C12orf54: variants seen among roughly 807,000 people sequenced by gnomAD.
C12orf54 encodes chromosome 12 open reading frame 54.
In C12orf54, 24 loss-of-function variants were observed where a neutral mutation model predicts 26.4. The observed-to-expected ratio is 0.91, with a 90% CI of 0.66 to 1.28. The LOEUF (loss-of-function observed/expected upper bound fraction) is 1.28, where lower values mean the gene tolerates loss of function less well. C12orf54 is among the 50% of genes most tolerant of loss of function. The probability of loss-of-function intolerance (pLI) is 0.00; values close to 1 mark genes in which losing one functional copy is unlikely to be tolerated. For synonymous variants in C12orf54, 54 were observed against 47.0 expected, an observed-to-expected ratio of 1.15 and a Z score of -0.61; for missense variants, 154 against 150.9, an observed-to-expected ratio of 1.02 and a Z score of -0.11.
chr12:48,455,824 CTGTT>C, the C12orf54 span, among the ~76,000 whole-genome samples: 9 of 152,262 alleles, frequency 5.9e-5, no homozygotes, highest in African/African-American at 1.7e-4. Flanking sequence ...CCTTCATTGT[CTGTT>C]TGACAGTGAA....
the C12orf54 span, among the ~76,000 whole-genome samples, chr12:48,447,703 G>T: frequency 1.1e-3 from 161 of 152,196 alleles, no homozygotes; most frequent in African/African-American, 3.8e-3. Flanking sequence ...AGATGTCCAT[G>T]CCCTAATCTC....
At chr12:48,429,196 C>T in the C12orf54 span, among the ~76,000 whole-genome samples, 1 of 152,048 alleles carries the variant, frequency 6.6e-6, no homozygotes, top group Non-Finnish European at 1.5e-5. Context: ...CTATGAAAAA[C>T]CCACAGCCAA....
chr12:48,472,726 A>C, the C12orf54 span: 2 of 1,614,106 alleles, frequency 1.2e-6, no homozygotes, highest in South Asian at 2.2e-5. Flanking sequence ...GATGTGAAAG[A>C]ACTTTTCCTG....
At chr12:48,493,093 T>C (rs1430896939) in intron 7 of C12orf54, 98 bp downstream of exon 7, 2 of 1,131,200 alleles carry the variant, frequency 1.8e-6, no homozygotes, top group Non-Finnish European at 2.7e-6. Context: ...CCTTGAGCCT[T>C]CAGAAGCCTG....
intron 6 of C12orf54, among the ~76,000 whole-genome samples, chr12:48,491,658 T>C (rs974571033): frequency 1.3e-5 from 2 of 152,138 alleles, no homozygotes; most frequent in African/African-American, 2.4e-5. Flanking sequence ...GGAATGATTA[T>C]TCTGGGTGGT....
chr12:48,493,433 C>T (rs570758086), intron 7 of C12orf54, among the ~76,000 whole-genome samples: 43 of 151,934 alleles, frequency 2.8e-4, no homozygotes, highest in African/African-American at 8.4e-4. Flanking sequence ...CCCAGGAGTT[C>T]GACACAGTGA....
the C12orf54 span, among the ~76,000 whole-genome samples, chr12:48,455,316 A>G: frequency 1.3e-5 from 2 of 152,214 alleles, no homozygotes; most frequent in African/African-American, 4.8e-5. Flanking sequence ...TATGGTGTAT[A>G]TATACCACAT....
upstream of C12orf54, among the ~76,000 whole-genome samples, chr12:48,478,914 G>C (rs555369942): frequency 6.6e-6 from 1 of 152,302 alleles, no homozygotes; most frequent in African/African-American, 2.4e-5. Flanking sequence ...TTACACTGTT[G>C]GTGGGACTGT....
At chr12:48,455,668 G>A in the C12orf54 span, among the ~76,000 whole-genome samples, 2 of 152,220 alleles carry the variant, frequency 1.3e-5, no homozygotes, top group Non-Finnish European at 1.5e-5. Flanking sequence ...AGATCAGTGA[G>A]CAGCTCCAAC....
intron 7 of C12orf54, 78 bp from the exon 8 acceptor site, chr12:48,494,720 G>A (rs1937872010): frequency 5.5e-6 from 8 of 1,450,006 alleles, no homozygotes; most frequent in Admixed American, 1.8e-5. Flanking sequence ...ATCTCTAAGG[G>A]CAGTGGAGGC....
the C12orf54 span, among the ~76,000 whole-genome samples, chr12:48,430,458 AAAAC>A: frequency 6.5e-4 from 99 of 152,284 alleles, no homozygotes; most frequent in African/African-American, 2.3e-3. Context: ...CAGCAAGAAA[AAAAC>A]AAACAATCCC....
At chr12:48,440,223 T>TC in the C12orf54 span, among the ~76,000 whole-genome samples, 1 of 147,616 alleles carries the variant, frequency 6.8e-6, no homozygotes, top group African/African-American at 2.5e-5. Context: ...AGACTCCATC[T>TC]CAAAAAAAAA....
intron 4 of C12orf54, chr12:48,487,796 C>A (rs1200733239): frequency 4.5e-6 from 2 of 441,474 alleles, no homozygotes; most frequent in Non-Finnish European, 8.1e-6. Context: ...CAAGATACAA[C>A]CATCTTAAAG....
chr12:48,483,162 G>GAGACATCT, intron 1 of C12orf54, 78 bp from the exon 2 acceptor site: 1 of 679,314 alleles, frequency 1.5e-6, no homozygotes, highest in Non-Finnish European at 2.5e-6. Flanking sequence ...ATTAACTGCT[G>GAGACATCT]GTAGTTCTCC....
the C12orf54 span, among the ~76,000 whole-genome samples, chr12:48,464,075 A>G: frequency 6.6e-6 from 1 of 152,116 alleles, no homozygotes; most frequent in Non-Finnish European, 1.5e-5. Context: ...AGTCCTGATA[A>G]GAGCAATCAG....
At chr12:48,459,018 C>T in the C12orf54 span, among the ~76,000 whole-genome samples, 1 of 147,156 alleles carries the variant, frequency 6.8e-6, no homozygotes, top group Non-Finnish European at 1.5e-5. Context: ...AAGCTGGCTT[C>T]CATCTATCCT....
At chr12:48,432,862 T>C in the C12orf54 span, among the ~76,000 whole-genome samples, 1 of 134,412 alleles carries the variant, frequency 7.4e-6, no homozygotes, top group African/African-American at 2.5e-5. Flanking sequence ...AGAGTGAAAC[T>C]TTTTCTACAA....
At chr12:48,457,588 T>C in the C12orf54 span, among the ~76,000 whole-genome samples, 8 of 152,088 alleles carry the variant, frequency 5.3e-5, no homozygotes. Flanking sequence ...TGCCTCGGCC[T>C]CCCAAAGTTG....
At chr12:48,422,436 G>A in the C12orf54 span, among the ~76,000 whole-genome samples, 1 of 152,148 alleles carries the variant, frequency 6.6e-6, no homozygotes, top group Admixed American at 6.6e-5. Flanking sequence ...AATTATGTCG[G>A]GAGGCCATGC....
Sources: gnomAD v4.1 joint callset for allele counts (sites outside exome capture counted in the v4.1 genomes callset) on GRCh38, gnomAD v4.1.1 for gene constraint, MANE v1.5 for transcripts, NCBI Gene and HGNC (gene_info 2026-07-23, HGNC 2026-07-21) for gene names.